Variants in PDE1C observed in about 807,000 individuals in gnomAD.
PDE1C encodes dual specificity calcium/calmodulin-dependent 3',5'-cyclic nucleotide phosphodiesterase 1C.
PDE1C carries 62 observed loss-of-function variants against 93.1 expected under a neutral mutation model. The ratio of observed to expected loss-of-function variants is 0.67; its 90% confidence interval spans 0.54 to 0.82. PDE1C has a LOEUF of 0.82. Among genes scored for constraint, PDE1C ranks in the 40% least tolerant of loss-of-function variants. PDE1C has a pLI of 0.00. For synonymous variants in PDE1C, 325 were observed against 310.1 expected, an observed-to-expected ratio of 1.05 and a Z score of -0.50; for missense variants, 742 against 884.6, an observed-to-expected ratio of 0.84 and a Z score of 2.04.
chr7:32,325,130 G>A (rs1318316632), intron 1 of PDE1C, among the ~76,000 whole-genome samples: 2 of 152,146 alleles, frequency 1.3e-5, no homozygotes, highest in Non-Finnish European at 2.9e-5. Context: ...AGATTTTATT[G>A]TTTTGACCCA....
At chr7:32,223,261 C>A (rs1396910896) in intron 1 of PDE1C, among the ~76,000 whole-genome samples, 1 of 152,246 alleles carries the variant, frequency 6.6e-6, no homozygotes, top group Non-Finnish European at 1.5e-5. Context: ...GCTGCTGGTA[C>A]TAAGGGTCCA....
chr7:32,295,748 G>A (rs1357361484), intron 1 of PDE1C, among the ~76,000 whole-genome samples: 3 of 152,032 alleles, frequency 2.0e-5, no homozygotes, highest in Non-Finnish European at 2.9e-5. Flanking sequence ...AAAAAAATTA[G>A]CAGGGCGTGT....
At chr7:31,960,357 T>G (rs1808775620) in intron 2 of PDE1C, among the ~76,000 whole-genome samples, 1 of 152,172 alleles carries the variant, frequency 6.6e-6, no homozygotes, top group Admixed American at 6.5e-5. Flanking sequence ...ATGCAGAGTC[T>G]GAATTTAATC....
At chr7:32,321,246 A>C (rs762329194) in intron 1 of PDE1C, among the ~76,000 whole-genome samples, 41 of 152,360 alleles carry the variant, frequency 2.7e-4, no homozygotes, top group Middle Eastern at 3.4e-3. Context: ...ATCACAGAGC[A>C]GAGCCTGCAT....
chr7:31,815,650 C>G (rs1253201539), intron 15 of PDE1C, among the ~76,000 whole-genome samples: 1 of 147,528 alleles, frequency 6.8e-6, no homozygotes, highest in East Asian at 2.0e-4. Flanking sequence ...TAATTTTCCC[C>G]CAGCTGGCAG....
the PDE1C span, chr7:31,686,824 A>G: frequency 6.6e-6 from 1 of 152,212 alleles, no homozygotes; most frequent in Non-Finnish European, 1.5e-5. Flanking sequence ...GTACTTTGAG[A>G]AGCAGCAATA....
intron 2 of PDE1C, among the ~76,000 whole-genome samples, chr7:32,187,342 CTT>C (rs1803951591): frequency 1.3e-5 from 2 of 151,998 alleles, no homozygotes; most frequent in Non-Finnish European, 2.9e-5. Flanking sequence ...TTATGTTTCT[CTT>C]ATATTTTTAT....
intron 1 of PDE1C, among the ~76,000 whole-genome samples, chr7:32,269,445 T>G (rs994708818): frequency 2.3e-5 from 3 of 129,338 alleles, no homozygotes; most frequent in Non-Finnish European, 5.1e-5. Flanking sequence ...TATATTTTTT[T>G]GATGTTTTTG....
At chr7:32,409,545 A>G (rs538437307) in intron 1 of PDE1C, among the ~76,000 whole-genome samples, 75 of 152,276 alleles carry the variant, frequency 4.9e-4, no homozygotes, top group African/African-American at 1.8e-3. Context: ...AGAACATTAA[A>G]GTAATTTAAA....
At chr7:32,205,985 C>T (rs548135383) in intron 2 of PDE1C, among the ~76,000 whole-genome samples, 2 of 152,276 alleles carry the variant, frequency 1.3e-5, no homozygotes, top group African/African-American at 4.8e-5. Flanking sequence ...TTTTTGAAGT[C>T]AGCGAGACCA....
intron 5 of PDE1C, among the ~76,000 whole-genome samples, chr7:31,877,018 T>C (rs775897373): frequency 2.0e-5 from 3 of 152,154 alleles, no homozygotes; most frequent in Non-Finnish European, 4.4e-5. Flanking sequence ...CCTAACTCCA[T>C]GAATAGGTAA....
the PDE1C span, among the ~76,000 whole-genome samples, chr7:31,699,884 C>A: frequency 6.6e-6 from 1 of 151,850 alleles, no homozygotes; most frequent in Admixed American, 6.6e-5. Flanking sequence ...CAGACCTCGC[C>A]CATATAAGAC....
intron 2 of PDE1C, among the ~76,000 whole-genome samples, chr7:31,985,974 C>G (rs542496314): frequency 2.0e-5 from 3 of 152,132 alleles, no homozygotes; most frequent in Non-Finnish European, 4.4e-5. Context: ...GCCAACTCCC[C>G]TCACAGTTAG....
chr7:32,393,555 A>G (rs1258019028), intron 1 of PDE1C, among the ~76,000 whole-genome samples: 1 of 152,128 alleles, frequency 6.6e-6, no homozygotes, highest in Non-Finnish European at 1.5e-5. Flanking sequence ...CCTTAATTCA[A>G]TTGTTAATTA....
At chr7:31,760,627 C>A (rs1462159372) in intron 17 of PDE1C, among the ~76,000 whole-genome samples, 2 of 152,072 alleles carry the variant, frequency 1.3e-5, no homozygotes, top group East Asian at 1.9e-4. Context: ...TGAGTAAATT[C>A]TAATATTGGT....
At position 31,775,650 on chromosome 7, in the gene PDE1C, T is replaced by G. The variant is rs187442611; in HGVS notation, c.1960+14A>C. 315 of 1,609,984 alleles carry G rather than the reference T, an allele frequency of 2.0e-4. 2 individuals carry two copies. The African/African-American group carries it at 3.7e-3, about 19-fold the overall frequency. On this transcript the variant is annotated intron_variant, in intron 17 of 17. Transcript: ENST00000396191. ...TGTGGTCACTAAGATAATGGTGCAA[T>G]GCTGTTTACCCACCTGGCAACGTAA... is the stretch of plus-strand genomic sequence containing the variant.
chr7:32,322,377 G>A (rs767164516), intron 1 of PDE1C, among the ~76,000 whole-genome samples: 41 of 152,148 alleles, frequency 2.7e-4, no homozygotes, highest in Admixed American at 9.2e-4. Context: ...CGAAGCAGGA[G>A]GATCACTTGA....
chr7:32,192,941 T>C (rs1298704322), intron 2 of PDE1C, among the ~76,000 whole-genome samples: 2 of 152,162 alleles, frequency 1.3e-5, no homozygotes, highest in East Asian at 3.8e-4. Context: ...CCTTGTTATA[T>C]GTTGTAAATA....
chr7:31,987,925 T>G (rs1228036227), intron 2 of PDE1C, among the ~76,000 whole-genome samples: 3 of 152,232 alleles, frequency 2.0e-5, no homozygotes, highest in African/African-American at 7.2e-5. Context: ...TCTCTGTGCC[T>G]GGGGGTGACT....
Sources: gnomAD v4.1 joint callset for allele counts (sites outside exome capture counted in the v4.1 genomes callset) on GRCh38, gnomAD v4.1.1 for gene constraint, MANE v1.5 for transcripts, NCBI Gene and HGNC (gene_info 2026-07-23, HGNC 2026-07-21) for gene names.